Variants in PRKCE observed in about 807,000 individuals in gnomAD.
PRKCE encodes protein kinase C epsilon.
PRKCE carries 16 observed loss-of-function variants against 85.4 expected under a neutral mutation model. The ratio of observed to expected loss-of-function variants is 0.19; its 90% CI spans 0.13 to 0.28. PRKCE has a LOEUF of 0.28. Ranked by LOEUF, PRKCE falls within the 10% of genes least tolerant of loss-of-function variation. PRKCE has a pLI of 1.00. For missense variants in PRKCE, 573 were observed against 975.2 expected, an observed-to-expected ratio of 0.59 and a Z score of 5.49; for synonymous variants, 388 against 371.5, an observed-to-expected ratio of 1.04 and a Z score of -0.51.
At position 46,079,507 on chromosome 2, in the gene PRKCE, A is replaced by T. The variant is rs569716209; in HGVS notation, c.1438-6701A>T. 1.2e-3 allele frequency among the ~76,000 whole-genome samples: 187 copies of T among 152,336 alleles called. 1 individual carries two copies. Among genetic ancestry groups the T allele is most frequent in the African/African-American group, 4.1e-3 (170 of 41,586 alleles). ...ACCTGTTGAATTGATAGGTTAGATG[A>T]TATAGACATGGAGGGGAGAAGATGT... On this transcript the variant is annotated intron_variant, in intron 10 of 14. Coordinates refer to ENST00000306156, the MANE Select transcript of PRKCE (RefSeq NM_005400.3).
At position 45,774,727 on chromosome 2, in the gene PRKCE, G is replaced by A. The variant is rs1685614902; in HGVS notation, c.349-68273G>A. The stretch of plus-strand genomic sequence containing the variant: ...TGCCTTCTGATAGATGAATCAAGCC[G>A]GGACGCCCAGTCACCCTGACTTTGA... On this transcript the variant is annotated intron_variant, in intron 1 of 14. Coordinates refer to ENST00000306156, the MANE Select transcript of PRKCE (RefSeq NM_005400.3). This position sits in a 1 kb window ranked among gnomAD's most constrained non-coding sequence, Gnocchi z 4.3. Among the ~76,000 whole-genome samples, 2 of 152,006 alleles carry A rather than the reference G, an allele frequency of 1.3e-5. No homozygotes were observed. Among genetic ancestry groups the A allele is most frequent in the African/African-American group, 2.4e-5 (1 of 41,386 alleles).
At chr2:45,793,097 C>T (rs930120893) in intron 1 of PRKCE, among the ~76,000 whole-genome samples, 1 of 152,220 alleles carries the variant, frequency 6.6e-6, no homozygotes, top group African/African-American at 2.4e-5. Flanking sequence ...CCCTACCCAG[C>T]CTAATTAATT....
chr2:45,845,911 A>T (rs1024309257), intron 2 of PRKCE, among the ~76,000 whole-genome samples: 2 of 152,224 alleles, frequency 1.3e-5, no homozygotes, highest in Non-Finnish European at 2.9e-5. Context: ...TTGAATAGAC[A>T]TCTGTCAGAG....
At chr2:45,858,386 A>G (rs542556192) in intron 2 of PRKCE, among the ~76,000 whole-genome samples, 1 of 148,890 alleles carries the variant, frequency 6.7e-6, no homozygotes, top group African/African-American at 2.5e-5. Flanking sequence ...TTTTTTTTTG[A>G]CTTAAGAAAA....
intron 11 of PRKCE, among the ~76,000 whole-genome samples, chr2:46,120,905 T>G (rs1233456049): frequency 6.6e-6 from 1 of 152,190 alleles, no homozygotes; most frequent in Non-Finnish European, 1.5e-5. Context: ...CTTACCGATG[T>G]ATTAATATCA....
chr2:45,743,346 C>A (rs1682740106), intron 1 of PRKCE, among the ~76,000 whole-genome samples: 1 of 152,134 alleles, frequency 6.6e-6, no homozygotes, highest in Non-Finnish European at 1.5e-5. Context: ...GCACTTATAT[C>A]AAAACATCGC....
intron 1 of PRKCE, among the ~76,000 whole-genome samples, chr2:45,790,534 A>G (rs567007602): frequency 6.6e-6 from 1 of 152,352 alleles, no homozygotes; most frequent in East Asian, 1.9e-4. Flanking sequence ...GCTGCTCTCT[A>G]TAACATTTTT....
At chr2:45,667,758 A>T (rs1178542758) in intron 1 of PRKCE, among the ~76,000 whole-genome samples, 2 of 151,692 alleles carry the variant, frequency 1.3e-5, no homozygotes, top group African/African-American at 2.4e-5. Context: ...TCACCTCCAC[A>T]CCTAGTTTTC....
At chr2:45,880,939 G>T (rs898370123) in intron 2 of PRKCE, among the ~76,000 whole-genome samples, 7 of 152,062 alleles carry the variant, frequency 4.6e-5, no homozygotes, top group Non-Finnish European at 7.4e-5. Context: ...GGATCACGAG[G>T]TCAGGAGATC....
At chr2:45,720,649 A>G (rs549815559) in intron 1 of PRKCE, among the ~76,000 whole-genome samples, 31 of 152,294 alleles carry the variant, frequency 2.0e-4, no homozygotes, top group African/African-American at 7.5e-4. Context: ...AACTTGATGT[A>G]TTGATGCATG....
chr2:45,861,568 C>G (rs770950393), intron 2 of PRKCE, among the ~76,000 whole-genome samples: 11 of 152,154 alleles, frequency 7.2e-5, no homozygotes, highest in Non-Finnish European at 1.2e-4. Flanking sequence ...CTTCAGGTCC[C>G]CAAGACTGGC....
At chr2:46,179,793 G>T (rs1417400732) in intron 14 of PRKCE, among the ~76,000 whole-genome samples, 1 of 152,102 alleles carries the variant, frequency 6.6e-6, no homozygotes, top group Non-Finnish European at 1.5e-5. Flanking sequence ...CCTAGTGATG[G>T]TCTGGGATGC....
At chr2:45,795,615 A>T (rs2105132462) in intron 1 of PRKCE, among the ~76,000 whole-genome samples, 1 of 152,158 alleles carries the variant, frequency 6.6e-6, no homozygotes, top group East Asian at 1.9e-4. Flanking sequence ...CGGCCTGAAC[A>T]TTTTTAATTG....
At chr2:45,773,515 G>C (rs531062168) in intron 1 of PRKCE, among the ~76,000 whole-genome samples, 1 of 152,320 alleles carries the variant, frequency 6.6e-6, no homozygotes, top group Non-Finnish European at 1.5e-5. Flanking sequence ...GTAGGGTTGA[G>C]ATTCACACCT....
At chr2:45,852,353 G>A (rs1173244540) in intron 2 of PRKCE, among the ~76,000 whole-genome samples, 2 of 152,206 alleles carry the variant, frequency 1.3e-5, no homozygotes, top group East Asian at 3.8e-4. Flanking sequence ...TAACTCAAGG[G>A]AAGTTAAATT....
chr2:46,089,742 G>A (rs778370659), intron 11 of PRKCE, among the ~76,000 whole-genome samples: 5 of 152,006 alleles, frequency 3.3e-5, no homozygotes, highest in Non-Finnish European at 4.4e-5. Flanking sequence ...TCTGCCCAGA[G>A]GAGATGGAGT....
chr2:45,982,151 G>A (rs1411334984), intron 5 of PRKCE, among the ~76,000 whole-genome samples: 3 of 152,130 alleles, frequency 2.0e-5, no homozygotes, highest in South Asian at 2.1e-4. Context: ...GGCTCTCCCC[G>A]CCACCACCTT....
At chr2:45,799,997 GT>G (rs1687731604) in intron 1 of PRKCE, among the ~76,000 whole-genome samples, 1 of 152,212 alleles carries the variant, frequency 6.6e-6, no homozygotes, top group African/African-American at 2.4e-5. Context: ...TCCATGGTGG[GT>G]CCTGGGGAGG....
At chr2:46,090,485 T>C (rs2103950642) in intron 11 of PRKCE, among the ~76,000 whole-genome samples, 1 of 152,288 alleles carries the variant, frequency 6.6e-6, no homozygotes, top group South Asian at 2.1e-4. Flanking sequence ...GCTTACCTAG[T>C]TGATCTAAGA....
Sources: gnomAD v4.1 joint callset for allele counts (sites outside exome capture counted in the v4.1 genomes callset) on GRCh38, gnomAD v4.1.1 for gene constraint, Gnocchi (gnomAD v3.1) non-coding constraint, MANE v1.5 for transcripts, NCBI Gene and HGNC (gene_info 2026-07-23, HGNC 2026-07-21) for gene names.